The following CEP112 variants were observed in gnomAD, a reference collection of about 807,000 sequenced individuals.
The protein encoded by CEP112 is centrosomal protein of 112 kDa.
In CEP112, 127 loss-of-function variants were observed where a neutral mutation model predicts 153.0. The observed-to-expected ratio is 0.83, with a 90% CI of 0.72 to 0.96. The LOEUF is 0.96. Ranked by LOEUF, CEP112 falls within the 40% of genes least tolerant of loss-of-function variation. The pLI is 0.00. For synonymous variants in CEP112, 358 were observed against 374.4 expected (o/e 0.96, Z 0.51); for missense variants, 1,089 against 1,101.2 (o/e 0.99, Z 0.16).
chr17:66,028,395 A>G lies in CEP112; in HGVS notation c.1514T>C (p.Met505Thr). The G allele has an allele frequency of 6.4e-7, 1 of 1,557,566 alleles. No individual in the cohort carries two copies. The highest frequency in any genetic ancestry group is 8.8e-7 in the Non-Finnish European group (1 of 1,141,870). Residue 505 changes from methionine to threonine, a missense_variant, in exon 15 of 27, where the codon ATG becomes ACG. Coordinates refer to ENST00000535342, the MANE Select transcript of CEP112 (RefSeq NM_001199165.4). ...GACATTCTGCTCTAATTCTTCAATC[A>G]TACTAGATGCCTACAAGGATTTTAA... ...HALSASKASSMIEELEQNVCQ... is the reference protein window; with the variant it reads ...HALSASKASSTIEELEQNVCQ...
intron 19 of CEP112, among the ~76,000 whole-genome samples, chr17:65,919,897 T>G (rs1327766452): frequency 6.6e-6 from 1 of 151,926 alleles, no homozygotes; most frequent in Non-Finnish European, 1.5e-5. Context: ...TCCGCGGGAG[T>G]GCATTTAGAG....
intron 21 of CEP112, among the ~76,000 whole-genome samples, chr17:65,757,536 C>T (rs1473854922): frequency 6.6e-6 from 1 of 152,092 alleles, no homozygotes; most frequent in African/African-American, 2.4e-5. Flanking sequence ...CTTGAAATTG[C>T]CAATGCTGAA....
At chr17:65,850,880 A>G (rs1324208844) in intron 21 of CEP112, among the ~76,000 whole-genome samples, 1 of 151,964 alleles carries the variant, frequency 6.6e-6, no homozygotes, top group Non-Finnish European at 1.5e-5. Flanking sequence ...CCTTTTTCCT[A>G]TTTATTTCTG....
chr17:65,852,641 A>G (rs1428461023), intron 20 of CEP112, among the ~76,000 whole-genome samples: 1 of 151,282 alleles, frequency 6.6e-6, no homozygotes, highest in Non-Finnish European at 1.5e-5. Flanking sequence ...TCTAATTTCT[A>G]TGTAAATGGA....
intron 23 of CEP112, among the ~76,000 whole-genome samples, chr17:65,712,509 A>G (rs2049248974): frequency 6.6e-6 from 1 of 152,194 alleles, no homozygotes. Context: ...CATATTAAAA[A>G]TGCTTGCAGA....
intron 21 of CEP112, among the ~76,000 whole-genome samples, chr17:65,835,826 T>C (rs1204543901): frequency 6.6e-6 from 1 of 152,100 alleles, no homozygotes; most frequent in Non-Finnish European, 1.5e-5. Context: ...TTCAGAATAG[T>C]CTAATACTGG....
At chr17:65,953,372 A>C (rs9635752) in intron 18 of CEP112, among the ~76,000 whole-genome samples, 72,974 of 152,006 alleles carry the variant, frequency 0.48, 18,512 homozygotes, top group East Asian at 0.89. Flanking sequence ...ATGGCCAGAG[A>C]AGTGTATGGA....
chr17:65,713,840 G>A (rs541918738), intron 23 of CEP112, among the ~76,000 whole-genome samples: 2 of 152,050 alleles, frequency 1.3e-5, no homozygotes, highest in African/African-American at 2.4e-5. Context: ...CGCCCGCCTC[G>A]GCCTCCCAAA....
chr17:65,715,521 G>A (rs1013955159), intron 23 of CEP112, among the ~76,000 whole-genome samples: 1 of 151,858 alleles, frequency 6.6e-6, no homozygotes, highest in African/African-American at 2.4e-5. Context: ...TGTGATCTCG[G>A]CTCACTGCAA....
At chr17:65,641,327 A>G (rs747801172) in intron 24 of CEP112, among the ~76,000 whole-genome samples, 6 of 152,196 alleles carry the variant, frequency 3.9e-5, no homozygotes, top group Non-Finnish European at 7.4e-5. Context: ...TCAGCATCTG[A>G]TAAGTAAAAT....
At chr17:65,771,481 G>C (rs1345336910) in intron 21 of CEP112, among the ~76,000 whole-genome samples, 2 of 152,120 alleles carry the variant, frequency 1.3e-5, no homozygotes, top group Non-Finnish European at 2.9e-5. Context: ...GAAGTGATAG[G>C]ACAAGTAGAC....
intron 24 of CEP112, among the ~76,000 whole-genome samples, chr17:65,656,745 T>C (rs1299152114): frequency 1.3e-5 from 2 of 152,226 alleles, no homozygotes; most frequent in Non-Finnish European, 2.9e-5. Context: ...GGGACTGTGT[T>C]CATTTTGCTG....
At chr17:65,945,274 T>C (rs183643505) in intron 18 of CEP112, among the ~76,000 whole-genome samples, 9 of 152,372 alleles carry the variant, frequency 5.9e-5, no homozygotes, top group Non-Finnish European at 8.8e-5. Context: ...AGTTTACTTA[T>C]CCATGTTACT....
chr17:66,166,328 C>G (rs892996695), intron 4 of CEP112, among the ~76,000 whole-genome samples: 1 of 152,106 alleles, frequency 6.6e-6, no homozygotes, highest in African/African-American at 2.4e-5. Flanking sequence ...CCTCTTCACC[C>G]TACCCTAACT....
intron 20 of CEP112, among the ~76,000 whole-genome samples, chr17:65,900,083 G>A (rs957049036): frequency 6.6e-6 from 1 of 152,064 alleles, no homozygotes; most frequent in African/African-American, 2.4e-5. Flanking sequence ...AATATCCTCA[G>A]TAAATAACCA....
Position 66,029,915 on chromosome 17 carries a change from T to C in CEP112, c.1327A>G (p.Arg443Gly). The C allele has an allele frequency of 6.2e-7, 1 of 1,613,904 alleles. No individual in the cohort carries two copies. The highest frequency in any genetic ancestry group is 8.5e-7 in the Non-Finnish European group (1 of 1,179,826). Reference protein sequence around the residue: ...KLIQEKAELERCYQITCSELQ... With the variant: ...KLIQEKAELEGCYQITCSELQ... ...TCACTACACGTTATCTGGTAACATC[T>C]TTCAAGTTCTGCTTTTTCTTGAATT... is the stretch of plus-strand genomic sequence containing the variant. The change falls in exon 13 of 27, where the codon AGA (arginine) becomes GGA (glycine). Residue 443 changes from arginine to glycine, a missense_variant. Arg to Gly is a moderately radical substitution (Grantham distance 125). Coordinates refer to ENST00000535342, the MANE Select transcript of CEP112 (RefSeq NM_001199165.4).
At chr17:66,062,200 T>C (rs1051577187) in intron 11 of CEP112, among the ~76,000 whole-genome samples, 2 of 151,022 alleles carry the variant, frequency 1.3e-5, no homozygotes, top group African/African-American at 4.9e-5. Flanking sequence ...TATAACAGTA[T>C]GAAAATGGAC....
intron 12 of CEP112, among the ~76,000 whole-genome samples, chr17:66,052,180 T>C (rs1273273352): frequency 6.6e-6 from 1 of 152,240 alleles, no homozygotes; most frequent in Non-Finnish European, 1.5e-5. Flanking sequence ...AAAAGCAATA[T>C]GCATCACTTT....
chr17:65,879,201 C>T (rs2058963700), intron 20 of CEP112, among the ~76,000 whole-genome samples: 1 of 152,182 alleles, frequency 6.6e-6, no homozygotes, highest in Non-Finnish European at 1.5e-5. Context: ...TAATCGTAAT[C>T]ATGAGGGTCC....
Sources: allele counts gnomAD v4.1 joint callset (sites outside exome capture counted in the v4.1 genomes callset), GRCh38; gene constraint gnomAD v4.1.1; transcripts MANE v1.5; gene names NCBI Gene and HGNC (gene_info 2026-07-23, HGNC 2026-07-21).